The following KCNIP4 variants were observed in gnomAD, a reference collection of about 807,000 sequenced individuals.
KCNIP4 encodes Kv channel-interacting protein 4.
A neutral mutation model predicts 34.0 loss-of-function variants in KCNIP4; 12 were observed. That is an observed-to-expected ratio of 0.35 (90% confidence interval 0.23 to 0.57). The LOEUF (loss-of-function observed/expected upper bound fraction) is 0.57. Ranked by LOEUF, KCNIP4 falls within the 20% of genes least tolerant of loss-of-function variation. The pLI is 0.83. For synonymous variants in KCNIP4, 124 were observed against 102.2 expected, an observed-to-expected ratio of 1.21 and a Z score of -1.29; for missense variants, 238 against 311.7, an observed-to-expected ratio of 0.76 and a Z score of 1.78.
At chr4:21,172,026 GT>G (rs1754054861) in intron 1 of KCNIP4, among the ~76,000 whole-genome samples, 1 of 151,998 alleles carries the variant, frequency 6.6e-6, no homozygotes, top group Non-Finnish European at 1.5e-5. Flanking sequence ...TTCTGATGTT[GT>G]TTTGTTTTGT....
intron 1 of KCNIP4, among the ~76,000 whole-genome samples, chr4:21,180,402 C>T (rs1257191018): frequency 2.0e-5 from 3 of 151,982 alleles, no homozygotes; most frequent in African/African-American, 4.8e-5. Flanking sequence ...CCCTAGAGTT[C>T]TGCTTTGCAA....
chr4:21,790,263 C>T (rs956796340), intron 1 of KCNIP4, among the ~76,000 whole-genome samples: 1 of 152,174 alleles, frequency 6.6e-6, no homozygotes, highest in Non-Finnish European at 1.5e-5. Flanking sequence ...ACAATCATTC[C>T]CTGATAAGTG....
At chr4:21,246,180 G>T (rs1374514906) in intron 1 of KCNIP4, among the ~76,000 whole-genome samples, 1 of 150,914 alleles carries the variant, frequency 6.6e-6, no homozygotes, top group Non-Finnish European at 1.5e-5. Flanking sequence ...GAAATGTGGA[G>T]GCCAACAGAG....
chr4:21,629,834 CT>C (rs1351876148), intron 1 of KCNIP4, among the ~76,000 whole-genome samples: 1 of 120,116 alleles, frequency 8.3e-6, no homozygotes, highest in Non-Finnish European at 1.7e-5. Flanking sequence ...ACCATATTTC[CT>C]TTTCTTTTTC....
At chr4:21,202,634 C>T (rs1436674871) in intron 1 of KCNIP4, among the ~76,000 whole-genome samples, 3 of 152,172 alleles carry the variant, frequency 2.0e-5, no homozygotes, top group African/African-American at 4.8e-5. Flanking sequence ...GCAATGTGGA[C>T]AAGGCCCCAG....
chr4:21,426,010 C>T (rs1442903517), intron 1 of KCNIP4, among the ~76,000 whole-genome samples: 7 of 152,034 alleles, frequency 4.6e-5, no homozygotes, highest in Admixed American at 1.3e-4. Flanking sequence ...GCTGTGATCA[C>T]GCCACTCACT....
Position 21,520,671 on chromosome 4 carries a change from T to A in KCNIP4, c.61+427900A>T, listed in dbSNP as rs993723461. On this transcript the variant is annotated intron_variant, in intron 1 of 8. Transcript: ENST00000382152. ...TTATGAAGAAGCCCACAGAGGAAAT[T>A]TTGCAAGACAATCTATTTCTCCTTT... Among the ~76,000 whole-genome samples, 4 of 152,294 alleles carry A rather than the reference T, an allele frequency of 2.6e-5. No homozygotes were observed. The East Asian group carries it at 7.7e-4, about 29-fold the overall frequency.
At chr4:21,820,538 A>T (rs1380086291) in intron 1 of KCNIP4, among the ~76,000 whole-genome samples, 1 of 152,046 alleles carries the variant, frequency 6.6e-6, no homozygotes, top group East Asian at 1.9e-4. Context: ...AACAAAATAT[A>T]CAAATTATAC....
chr4:21,152,738 G>A (rs1752847984), intron 1 of KCNIP4, among the ~76,000 whole-genome samples: 1 of 152,118 alleles, frequency 6.6e-6, no homozygotes, highest in Non-Finnish European at 1.5e-5. Flanking sequence ...AAAAGCCAGC[G>A]GTGATTATTA....
intron 1 of KCNIP4, among the ~76,000 whole-genome samples, chr4:21,405,198 G>A (rs970102082): frequency 1.3e-5 from 2 of 152,092 alleles, no homozygotes; most frequent in Admixed American, 6.6e-5. Flanking sequence ...CCACTAACAT[G>A]TCACCTAACC....
At chr4:20,832,741 A>G (rs934763950) in intron 3 of KCNIP4, among the ~76,000 whole-genome samples, 4 of 148,152 alleles carry the variant, frequency 2.7e-5, no homozygotes, top group Non-Finnish European at 6.0e-5. Flanking sequence ...AAAAAAAAAA[A>G]GGTCCTCAGC....
At chr4:21,237,219 G>C (rs544080810) in intron 1 of KCNIP4, among the ~76,000 whole-genome samples, 98 of 152,224 alleles carry the variant, frequency 6.4e-4, no homozygotes, top group Non-Finnish European at 1.1e-3. Flanking sequence ...GAACAATGCT[G>C]GGTGATGTGC....
intron 1 of KCNIP4, among the ~76,000 whole-genome samples, chr4:20,984,244 C>A (rs1276557967): frequency 3.3e-5 from 5 of 152,218 alleles, no homozygotes; most frequent in African/African-American, 1.2e-4. Flanking sequence ...AAACGTCTGT[C>A]GGAGAACTGG....
At chr4:21,824,843 A>C in intron 1 of KCNIP4, among the ~76,000 whole-genome samples, 1 of 152,134 alleles carries the variant, frequency 6.6e-6, no homozygotes, top group East Asian at 1.9e-4. Flanking sequence ...CCATCATTCA[A>C]TCAACAGCAA....
At chr4:21,931,979 T>C (rs1729594616) in intron 1 of KCNIP4, among the ~76,000 whole-genome samples, 3 of 152,168 alleles carry the variant, frequency 2.0e-5, no homozygotes, top group African/African-American at 7.2e-5. Context: ...CAGTATACAA[T>C]TACACATTGT....
chr4:20,787,836 T>A (rs1273225499), intron 3 of KCNIP4, among the ~76,000 whole-genome samples: 1 of 152,134 alleles, frequency 6.6e-6, no homozygotes, highest in Non-Finnish European at 1.5e-5. Flanking sequence ...CTTGTGATAA[T>A]TTTTCTTTTT....
At chr4:21,618,638 T>A (rs1049930311) in intron 1 of KCNIP4, among the ~76,000 whole-genome samples, 1 of 139,790 alleles carries the variant, frequency 7.2e-6, no homozygotes, top group African/African-American at 2.6e-5. Context: ...TTCTTTTTTT[T>A]TTTTTTTTTT....
intron 3 of KCNIP4, among the ~76,000 whole-genome samples, chr4:20,802,424 C>G (rs1714448315): frequency 6.6e-6 from 1 of 151,788 alleles, no homozygotes; most frequent in African/African-American, 2.4e-5. Flanking sequence ...CTTTAATACT[C>G]TTTTCAGTAA....
chr4:21,687,321 A>G (rs1424926637), intron 1 of KCNIP4, among the ~76,000 whole-genome samples: 1 of 151,898 alleles, frequency 6.6e-6, no homozygotes, highest in African/African-American at 2.4e-5. Flanking sequence ...AAGTATAAAA[A>G]AAAAAAAAAA....
Sources: gnomAD v4.1 joint callset for allele counts (sites outside exome capture counted in the v4.1 genomes callset) on GRCh38, gnomAD v4.1.1 for gene constraint, MANE v1.5 for transcripts, NCBI Gene and HGNC (gene_info 2026-07-23, HGNC 2026-07-21) for gene names.